MAP4K3: variants seen among roughly 807,000 people sequenced by gnomAD.
The protein encoded by MAP4K3 is mitogen-activated protein kinase kinase kinase kinase 3, also known as MAPK/ERK kinase kinase kinase 3.
In MAP4K3, 94 loss-of-function variants were observed where a neutral mutation model predicts 143.5. The observed-to-expected ratio is 0.65, with a 90% CI of 0.55 to 0.78. The LOEUF is 0.78. Ranked by LOEUF, MAP4K3 falls within the 30% of genes least tolerant of loss-of-function variation. The pLI is 0.00. For missense variants in MAP4K3, 1,077 were observed against 1,068.1 expected (o/e 1.01, Z -0.12); for synonymous variants, 416 against 347.2 (o/e 1.20, Z -2.20).
rs1234665066 is a variant in MAP4K3, at chr2:39,249,432, A to G, written c.*1186T>C. The G allele has an allele frequency of 2.0e-5, 3 of 152,620 alleles. No homozygotes were observed. The highest frequency in any genetic ancestry group is 6.5e-5 in the Admixed American group (1 of 15,282). The allele number at this position is 152,620 out of a possible 1,614,324, so 9.5% of individuals were successfully genotyped here. A position where few individuals can be genotyped will look rare whatever the true frequency, so the allele number is the denominator to read the frequency against. On this transcript the variant is annotated 3_prime_UTR_variant, in exon 34 of 34. Transcript: ENST00000263881. ...AATATAAAGAACATATACCAAAAAGAGCCAAAAGTGTGCATTTTGCTAAAA... is the reference window on the plus strand; with the variant it reads ...AATATAAAGAACATATACCAAAAAGGGCCAAAAGTGTGCATTTTGCTAAAA...
chr2:39,343,477 T>C, intron 3 of MAP4K3, 25 bp from the exon 4 acceptor site: 1 of 1,596,372 alleles, frequency 6.3e-7, no homozygotes, highest in Non-Finnish European at 8.6e-7. Flanking sequence ...GAAGCATGTA[T>C]CATATTTTCA....
chr2:39,290,402 A>AT (rs147546699), intron 18 of MAP4K3, 68 bp from the exon 19 acceptor site: 28,076 of 1,015,968 alleles, frequency 0.028, 718 homozygotes, highest in African/African-American at 0.11. Flanking sequence ...AAATATAATA[A>AT]TTTTTTCAAA....
intron 21 of MAP4K3, among the ~76,000 whole-genome samples, chr2:39,284,429 C>T (rs1681676429): frequency 2.0e-5 from 3 of 152,096 alleles, no homozygotes; most frequent in South Asian, 4.2e-4. Context: ...CCAAAGTGTA[C>T]GGATTATAGG....
intron 15 of MAP4K3, among the ~76,000 whole-genome samples, chr2:39,304,006 A>C (rs1682604047): frequency 6.6e-6 from 1 of 152,172 alleles, no homozygotes; most frequent in Non-Finnish European, 1.5e-5. Context: ...AGACAAACTG[A>C]TTTTTATGGT....
chr2:39,275,755 T>C (rs760873160), intron 24 of MAP4K3, among the ~76,000 whole-genome samples: 2 of 152,234 alleles, frequency 1.3e-5, no homozygotes, highest in Non-Finnish European at 2.9e-5. Flanking sequence ...CAGTATATCA[T>C]ACAGTTTAGG....
chr2:39,358,973 T>G (rs1180700462), intron 2 of MAP4K3, among the ~76,000 whole-genome samples: 1 of 152,146 alleles, frequency 6.6e-6, no homozygotes, highest in Non-Finnish European at 1.5e-5. Flanking sequence ...TGTCCTCACA[T>G]TTCAAGTCAC....
At chr2:39,391,371 A>AAAG (rs1666652447) in intron 1 of MAP4K3, among the ~76,000 whole-genome samples, 1 of 149,804 alleles carries the variant, frequency 6.7e-6, no homozygotes, top group Non-Finnish European at 1.5e-5. Context: ...AAAAAAAAAA[A>AAAG]AAAAAAAAAA....
chr2:39,313,262 G>A (rs1180222477), intron 13 of MAP4K3, among the ~76,000 whole-genome samples: 1 of 152,074 alleles, frequency 6.6e-6, no homozygotes, highest in African/African-American at 2.4e-5. Flanking sequence ...ATGCAGGTTT[G>A]TTGTATAGGT....
At chr2:39,400,843 T>C (rs1228589317) in intron 1 of MAP4K3, among the ~76,000 whole-genome samples, 2 of 152,188 alleles carry the variant, frequency 1.3e-5, no homozygotes, top group Non-Finnish European at 2.9e-5. Context: ...AAAGCAGCTA[T>C]ACCCTTTCAC....
At chr2:39,337,765 T>TG (rs1419377471) in intron 4 of MAP4K3, among the ~76,000 whole-genome samples, 184 bp from the exon 5 acceptor site, 1 of 135,256 alleles carries the variant, frequency 7.4e-6, no homozygotes, top group Non-Finnish European at 1.6e-5. Flanking sequence ...TTTTTTTTTT[T>TG]TTTTTTTTTT....
chr2:39,266,385 A>G (rs957673046), intron 27 of MAP4K3, among the ~76,000 whole-genome samples: 1 of 152,232 alleles, frequency 6.6e-6, no homozygotes, highest in African/African-American at 2.4e-5. Context: ...TTGCACAGTA[A>G]TAAGTACATG....
At chr2:39,277,379 C>A (rs1681309919) in intron 24 of MAP4K3, among the ~76,000 whole-genome samples, 1 of 152,250 alleles carries the variant, frequency 6.6e-6, no homozygotes, top group East Asian at 1.9e-4. Flanking sequence ...CATCTCCCCA[C>A]AGGAGGTGCT....
chr2:39,268,090 A>T (rs1188263422), intron 26 of MAP4K3, among the ~76,000 whole-genome samples: 1 of 152,158 alleles, frequency 6.6e-6, no homozygotes, highest in Non-Finnish European at 1.5e-5. Flanking sequence ...TTGTTTCTCT[A>T]CTCAGGAAAA....
intron 8 of MAP4K3, among the ~76,000 whole-genome samples, chr2:39,327,538 C>G (rs1156453550): frequency 6.6e-6 from 1 of 152,152 alleles, no homozygotes; most frequent in Non-Finnish European, 1.5e-5. Context: ...AACATCTCAA[C>G]TCTTCCATAC....
At chr2:39,297,152 T>C (rs1415821327) in intron 16 of MAP4K3, among the ~76,000 whole-genome samples, 1 of 152,050 alleles carries the variant, frequency 6.6e-6, no homozygotes, top group Non-Finnish European at 1.5e-5. Context: ...AGTTTCACTC[T>C]TGTCGCCCAG....
Position 39,255,043 on chromosome 2 carries a change from T to A in MAP4K3, c.2471-523A>T, listed in dbSNP as rs185409173. Among the ~76,000 whole-genome samples the A allele has an allele frequency of 1.6e-3, 246 of 152,286 alleles. 3 individuals are homozygous for A. Among genetic ancestry groups the A allele is most frequent in the African/African-American group, 5.3e-3 (219 of 41,558 alleles). On this transcript the variant is annotated intron_variant, in intron 31 of 33. Coordinates refer to ENST00000263881, the MANE Select transcript of MAP4K3 (RefSeq NM_003618.4). Reference sequence around the variant, plus strand: ...CCCTATGTACCCTGCCCTATTCCCATTTCTGGTCTTTCCTTCCTCCCTGAG... The same window carrying A: ...CCCTATGTACCCTGCCCTATTCCCAATTCTGGTCTTTCCTTCCTCCCTGAG...
rs552314332 is a variant in MAP4K3 at position 39,284,572 on chromosome 2, G to A, written c.1588-2018C>T. On this transcript the variant is annotated intron_variant, in intron 21 of 33. Coordinates refer to ENST00000263881, the MANE Select transcript of MAP4K3 (RefSeq NM_003618.4). ...TTATTTAAAATAAATAAGGCTGGGC[G>A]CAGTGGCTCACGCCTGTAATCCCAG... Among the ~76,000 whole-genome samples, 100 of 152,124 alleles carry A rather than the reference G, an allele frequency of 6.6e-4. 1 individual carries two copies. In the South Asian group the frequency reaches 0.012, roughly 19 times the overall value.
At chr2:39,313,267 A>G (rs575846022) in intron 13 of MAP4K3, among the ~76,000 whole-genome samples, 1 of 152,240 alleles carries the variant, frequency 6.6e-6, no homozygotes, top group Admixed American at 6.5e-5. Flanking sequence ...GGTTTGTTGT[A>G]TAGGTAAACT....
At chr2:39,274,745 T>C (rs940629701) in intron 24 of MAP4K3, among the ~76,000 whole-genome samples, 1 of 152,350 alleles carries the variant, frequency 6.6e-6, no homozygotes, top group African/African-American at 2.4e-5. Context: ...AGTGTTCTTA[T>C]CTGTAAAACA....
Sources: allele counts gnomAD v4.1 joint callset (sites outside exome capture counted in the v4.1 genomes callset), GRCh38; gene constraint gnomAD v4.1.1; transcripts MANE v1.5; gene names NCBI Gene and HGNC (gene_info 2026-07-23, HGNC 2026-07-21).